The following CCDC146 variants were observed in gnomAD, a reference collection of about 807,000 sequenced individuals.
The protein encoded by CCDC146 is coiled-coil domain-containing protein 146.
A neutral mutation model predicts 119.3 loss-of-function variants in CCDC146; 92 were observed. The observed-to-expected ratio is 0.77, with a 90% CI of 0.65 to 0.92. The LOEUF (loss-of-function observed/expected upper bound fraction) is 0.92, where lower values mean the gene tolerates loss of function less well. Among genes scored for constraint, CCDC146 ranks in the 40% least tolerant of loss-of-function variants. CCDC146 has a pLI of 0.00. For missense variants in CCDC146, 1,000 were observed against 1,103.0 expected (o/e 0.91, Z 1.32); for synonymous variants, 372 against 371.8 (o/e 1.00, Z -0.01).
At chr7:77,176,392 T>C (rs1209077497) in intron 2 of CCDC146, among the ~76,000 whole-genome samples, 1 of 151,096 alleles carries the variant, frequency 6.6e-6, no homozygotes, top group African/African-American at 2.5e-5. Flanking sequence ...TAAGGAAGTA[T>C]AAAATTCTAT....
intron 18 of CCDC146, among the ~76,000 whole-genome samples, chr7:77,293,544 C>T (rs1793991244): frequency 6.6e-6 from 1 of 152,242 alleles, no homozygotes; most frequent in South Asian, 2.1e-4. Flanking sequence ...GGCACCTCTG[C>T]TCAGACCACA....
intron 13 of CCDC146, among the ~76,000 whole-genome samples, chr7:77,279,491 T>C (rs1562860546): frequency 6.6e-6 from 1 of 152,184 alleles, no homozygotes; most frequent in Non-Finnish European, 1.5e-5. Context: ...AATCTAATAA[T>C]TGGGATTGGG....
In CCDC146 at chr7:77,199,191, CTG is replaced by C. The variant is rs781232125; in HGVS notation, c.156+31369_156+31370del. 3.1e-6 allele frequency: 5 copies of C among 1,612,982 alleles called. No individual in the cohort carries two copies. In the African/African-American group the frequency reaches 6.7e-5, roughly 22 times the overall value. On this transcript the variant is annotated intron_variant, in intron 2 of 18. Transcript: ENST00000285871. Reference sequence around the variant, plus strand: ...CATTATTATACATACCTGGACGTGACTGTATTTGTTCTTGGCTGGGACACTTT... The same window carrying C: ...CATTATTATACATACCTGGACGTGACTATTTGTTCTTGGCTGGGACACTTT...
At chr7:77,148,423 C>G (rs1361605872) in intron 1 of CCDC146, among the ~76,000 whole-genome samples, 1 of 152,088 alleles carries the variant, frequency 6.6e-6, no homozygotes, top group Non-Finnish European at 1.5e-5. Flanking sequence ...TCTCCTGCCC[C>G]CACTGTTCAA....
intron 11 of CCDC146, among the ~76,000 whole-genome samples, chr7:77,278,488 C>T (rs1793698947): frequency 6.8e-6 from 1 of 146,474 alleles, no homozygotes; most frequent in Non-Finnish European, 1.5e-5. Flanking sequence ...CTTTGTCGCC[C>T]AGGCTGGAGC....
At chr7:77,225,804 A>T (rs745434499) in intron 2 of CCDC146, among the ~76,000 whole-genome samples, 9 of 152,046 alleles carry the variant, frequency 5.9e-5, no homozygotes, top group Non-Finnish European at 1.3e-4. Flanking sequence ...TTAGCTTGGC[A>T]TGGTGGCGGG....
In CCDC146 at chr7:77,287,425, A is replaced by G. The variant is rs1386278728; in HGVS notation, c.2278-15A>G. 3.1e-6 allele frequency: 5 copies of G among 1,613,294 alleles called. No homozygotes were observed. In the African/African-American group the frequency reaches 6.7e-5, roughly 22 times the overall value. On this transcript the variant is annotated splice_polypyrimidine_tract_variant and intron_variant, in intron 16 of 18. Transcript: ENST00000285871. ...ACTTTTTTTTTATTCCTCTTGAACC[A>G]ATTTTCAAACATAGCTGGAACTACA... is the stretch of plus-strand genomic sequence containing the variant.
rs772178162 is a variant in CCDC146 at position 77,262,302 on chromosome 7, T to G, written c.1168T>G (p.Leu390Val). Residue 390 changes from leucine to valine, a missense_variant, in exon 9 of 19, where the codon TTA (leucine) becomes GTA (valine). Leu to Val is a conservative substitution (Grantham distance 32). This residue lies in a region of CCDC146 where 985 missense variants were observed against 1,045.3 expected (regional missense o/e 0.94). Transcript: ENST00000285871. ...TCAAGCACTGCATCAAAGGCTTCTA[T>G]TAGAGGTGAGGGCTGTAAACTACCA... ...QTQALHQRLL[L>V]EMEAIPKDDS... The G allele has an allele frequency of 1.3e-6, 2 of 1,593,252 alleles. No homozygotes were observed. The highest frequency in any genetic ancestry group is 1.7e-6 in the Non-Finnish European group (2 of 1,169,674).
At chr7:77,231,570 C>G (rs1433271179) in intron 2 of CCDC146, among the ~76,000 whole-genome samples, 1 of 151,940 alleles carries the variant, frequency 6.6e-6, no homozygotes, top group African/African-American at 2.4e-5. Context: ...TCTGCTTGCT[C>G]AAATCTACTG....
intron 1 of CCDC146, among the ~76,000 whole-genome samples, chr7:77,166,758 T>C (rs2117481699): frequency 6.6e-6 from 1 of 152,302 alleles, no homozygotes; most frequent in South Asian, 2.1e-4. Context: ...CAGAGAACAT[T>C]TTTCTGACAT....
intron 2 of CCDC146, among the ~76,000 whole-genome samples, chr7:77,192,888 A>C (rs113330465): frequency 0.015 from 2,234 of 152,190 alleles, 57 homozygotes; most frequent in African/African-American, 0.051. Flanking sequence ...TCGCCATTGC[A>C]CTCCAGCCTG....
At position 77,236,983 on chromosome 7, in the gene CCDC146, G is replaced by A; in HGVS notation, c.193G>A (p.Ala65Thr). 1 of 1,614,136 alleles carries A rather than the reference G, an allele frequency of 6.2e-7. No homozygotes were observed. Among genetic ancestry groups the A allele is most frequent in the Non-Finnish European group, 8.5e-7 (1 of 1,179,990 alleles). ...AMGKLPGTRM[A>T]ALKAKYTLLH... ...GGGAAAACTTCCTGGAACCAGAATG[G>A]CAGCGTTAAAAGCCAAGTATACCTT... The change falls in exon 3 of 19, where the codon GCA becomes ACA. Residue 65 changes from alanine to threonine, a missense_variant. By Grantham distance (58) the Ala-to-Thr change is moderately conservative (BLOSUM62 0). Transcript: ENST00000285871.
chr7:77,187,836 C>G (rs772234833), intron 2 of CCDC146, among the ~76,000 whole-genome samples: 3 of 152,250 alleles, frequency 2.0e-5, no homozygotes, highest in Admixed American at 6.5e-5. Context: ...GAAGAAGAAT[C>G]TACTGCTTAA....
At chr7:77,229,361 C>T (rs547655876) in intron 2 of CCDC146, among the ~76,000 whole-genome samples, 117 of 152,226 alleles carry the variant, frequency 7.7e-4, no homozygotes, top group Non-Finnish European at 1.3e-3. Flanking sequence ...GTTGCAGTTG[C>T]TTTTGGTGTC....
rs767303159 is a variant in CCDC146 at position 77,286,711 on chromosome 7, A to G, written c.2149-87A>G. 4.2e-5 allele frequency: 58 copies of G among 1,397,348 alleles called. 1 individual carries two copies. The highest frequency in any genetic ancestry group is 2.5e-5 in the Non-Finnish European group (25 of 1,010,224). The allele number at this position is 1,397,348 out of a possible 1,614,324, so 86.6% of individuals were successfully genotyped here. ...ACCCTTGTCTGGGTTGGTCCTACTA[A>G]AAAACTCTCAAGACCCTAGGCAATG... On this transcript the variant is annotated intron_variant, in intron 15 of 18. Coordinates refer to ENST00000285871, the MANE Select transcript of CCDC146 (RefSeq NM_020879.3).
intron 1 of CCDC146, among the ~76,000 whole-genome samples, chr7:77,151,515 C>T (rs543876719): frequency 3.4e-4 from 51 of 151,956 alleles, no homozygotes; most frequent in Non-Finnish European, 6.6e-4. Context: ...GTGAGGGAAA[C>T]GTTTATGGTA....
intron 2 of CCDC146, among the ~76,000 whole-genome samples, chr7:77,213,272 T>C (rs1041641289): frequency 6.6e-6 from 1 of 151,808 alleles, no homozygotes; most frequent in African/African-American, 2.4e-5. Flanking sequence ...TTTTAACTTT[T>C]AGTAGAATCA....
At chr7:77,271,294 C>A (rs1192281565) in intron 9 of CCDC146, among the ~76,000 whole-genome samples, 3 of 151,102 alleles carry the variant, frequency 2.0e-5, no homozygotes, top group Non-Finnish European at 4.4e-5. Context: ...GAATGAGAGA[C>A]CGGCCTAGCC....
chr7:77,143,567 T>G (rs1325025770), intron 1 of CCDC146, among the ~76,000 whole-genome samples: 5 of 152,216 alleles, frequency 3.3e-5, no homozygotes, highest in African/African-American at 1.2e-4. Context: ...ATTTAAGACT[T>G]TAATCAATCT....
Sources: gnomAD v4.1 joint callset for allele counts (sites outside exome capture counted in the v4.1 genomes callset) on GRCh38, gnomAD v4.1.1 for gene constraint, gnomAD v4.1.1 regional missense constraint, MANE v1.5 for transcripts, NCBI Gene and HGNC (gene_info 2026-07-23, HGNC 2026-07-21) for gene names.